The following RPTOR variants were observed in gnomAD, a reference collection of about 807,000 sequenced individuals.
RPTOR encodes the protein regulatory associated protein of MTOR complex 1.
RPTOR carries 21 observed loss-of-function variants against 169.9 expected under a neutral mutation model. That is an observed-to-expected ratio of 0.12 (90% CI 0.09 to 0.18). The LOEUF (loss-of-function observed/expected upper bound fraction) is 0.18. Among genes scored for constraint, RPTOR ranks in the 10% least tolerant of loss-of-function variants. The probability of loss-of-function intolerance (pLI) is 1.00; values close to 1 mark genes in which losing one functional copy is unlikely to be tolerated. For synonymous variants in RPTOR, 732 were observed against 753.2 expected, an observed-to-expected ratio of 0.97 and a Z score of 0.46; for missense variants, 1,133 against 1,855.9, an observed-to-expected ratio of 0.61 and a Z score of 7.16.
Position 80,643,798 on chromosome 17 carries a change from C to A in RPTOR, c.336C>A (p.Asn112Lys). ...IGANLQKQYE[N>K]WQPRARYKQS... ...CAAATTTACAGAAGCAGTACGAGAA[C>A]TGGCAGCCAAGGGTAAGTGTGCTTC... Residue 112 changes from asparagine to lysine, a missense_variant, in exon 3 of 34, where the codon AAC becomes AAA. Around this residue, in one of 9 missense-constraint regions of RPTOR, gnomAD observed 74 missense variants for 168.3 expected, o/e 0.44. Coordinates refer to ENST00000306801, the MANE Select transcript of RPTOR (RefSeq NM_020761.3). 6.2e-7 allele frequency: 1 copy of A among 1,613,390 alleles called. No individual in the cohort carries two copies. The highest frequency in any genetic ancestry group is 8.5e-7 in the Non-Finnish European group (1 of 1,179,466).
rs536281010 is a variant in RPTOR at position 80,936,687 on chromosome 17, C to T, written c.2920-3809C>T. Among the ~76,000 whole-genome samples the T allele has an allele frequency of 3.9e-5, 6 of 152,326 alleles. No individual in the cohort carries two copies. The highest frequency in any genetic ancestry group is 3.9e-4 in the East Asian group (2 of 5,188). Reference sequence around the variant, plus strand: ...ATATCTTCCACATTTATCAAAACTCCGCCTGTACCTACAGAGGGCGAAATT... The same window carrying T: ...ATATCTTCCACATTTATCAAAACTCTGCCTGTACCTACAGAGGGCGAAATT... On this transcript the variant is annotated intron_variant, in intron 24 of 33. Coordinates refer to ENST00000306801, the MANE Select transcript of RPTOR (RefSeq NM_020761.3). This position sits in a 1 kb window ranked among gnomAD's most constrained non-coding sequence, Gnocchi z 4.1.
At chr17:80,602,850 G>C (rs536450541) in intron 1 of RPTOR, 2 of 565,408 alleles carry the variant, frequency 3.5e-6, no homozygotes, top group Non-Finnish European at 6.5e-6. Flanking sequence ...AATGTTGATG[G>C]TGTCTTCTCG....
chr17:80,950,983 G>A (rs887694573), intron 28 of RPTOR, among the ~76,000 whole-genome samples: 11 of 152,176 alleles, frequency 7.2e-5, no homozygotes, highest in African/African-American at 2.7e-4. Flanking sequence ...TTCCCTCCCT[G>A]TCCAAGGCTC....
chr17:80,743,746 G>C (rs111886810), intron 5 of RPTOR, among the ~76,000 whole-genome samples: 1,227 of 73,580 alleles, frequency 0.017, 22 homozygotes, highest in African/African-American at 0.04. Flanking sequence ...GCTACTAGCA[G>C]AGCCCTGGCT....
At chr17:80,644,088 C>A (rs1272819508) in intron 3 of RPTOR, among the ~76,000 whole-genome samples, 4 of 152,198 alleles carry the variant, frequency 2.6e-5, no homozygotes, top group African/African-American at 9.7e-5. Context: ...AAAAAGTATT[C>A]TTTTCGCTCT....
At chr17:80,908,725 G>T in intron 20 of RPTOR, 86 bp from the exon 21 acceptor site, 1 of 921,542 alleles carries the variant, frequency 1.1e-6, no homozygotes, top group Non-Finnish European at 1.8e-6. Flanking sequence ...CTGATACCAG[G>T]GTTAGGGTTT....
chr17:80,954,361 A>G (rs1055230967), intron 28 of RPTOR, among the ~76,000 whole-genome samples: 2 of 151,672 alleles, frequency 1.3e-5, no homozygotes, highest in African/African-American at 4.9e-5. Context: ...ACCTCAGGTG[A>G]TCCACCCGCC....
chr17:80,893,698 C>G lies in RPTOR; in HGVS notation c.2243-9C>G, dbSNP rs758485133. 1.2e-6 allele frequency: 2 copies of G among 1,608,268 alleles called. No homozygotes were observed. The highest frequency in any genetic ancestry group is 1.7e-6 in the Non-Finnish European group (2 of 1,177,156). On this transcript the variant is annotated splice_polypyrimidine_tract_variant and intron_variant, in intron 19 of 33. Transcript: ENST00000306801. ...GAGCACCCCACTGACCCCGTTGCGTCTCGGGCAGCTGGTGGCGCGGTGGCG... is the reference window on the plus strand; with the variant it reads ...GAGCACCCCACTGACCCCGTTGCGTGTCGGGCAGCTGGTGGCGCGGTGGCG...
intron 9 of RPTOR, among the ~76,000 whole-genome samples, chr17:80,837,385 C>T (rs963160822): frequency 2.6e-5 from 4 of 152,156 alleles, no homozygotes; most frequent in East Asian, 1.9e-4. Context: ...AGGGGCCTGA[C>T]GGCACCATCA....
intron 2 of RPTOR, among the ~76,000 whole-genome samples, chr17:80,642,291 A>G (rs2065560144): frequency 6.6e-6 from 1 of 151,902 alleles, no homozygotes; most frequent in African/African-American, 2.4e-5. Context: ...CGCCCAGCTA[A>G]TTTTTGTGTT....
chr17:80,838,375 G>GT (rs999193945), intron 10 of RPTOR, among the ~76,000 whole-genome samples: 2 of 151,780 alleles, frequency 1.3e-5, no homozygotes, highest in Non-Finnish European at 2.9e-5. Context: ...CCCACGGGGG[G>GT]TTTGGTGCTG....
intron 3 of RPTOR, 23 bp downstream of exon 3, chr17:80,643,833 T>G (rs977899052): frequency 1.9e-6 from 3 of 1,571,020 alleles, no homozygotes; most frequent in Non-Finnish European, 2.6e-6. Context: ...CACTTGCTCT[T>G]CCCTTTCCTT....
chr17:80,860,886 G>GTCATATCTACATGGACACA lies in RPTOR; in HGVS notation c.1509+2986_1509+2987insTCATATCTACATGGACACA, dbSNP rs1555627949. Among the ~76,000 whole-genome samples, 3 of 146,888 alleles carry GTCATATCTACATGGACACA rather than the reference G, an allele frequency of 2.0e-5. No homozygotes were observed. The highest frequency in any genetic ancestry group is 4.9e-5 in the African/African-American group (2 of 41,094). ...ACCGTGCTTGCCATCTCTCCCAGCT[G>GTCATATCTACATGGACACA]CTCCTGATTTCCTGAGCTGGATGCG... On this transcript the variant is annotated intron_variant, in intron 13 of 33. Transcript: ENST00000306801. This position sits in a 1 kb window ranked among gnomAD's most constrained non-coding sequence, Gnocchi z 5.8.
At chr17:80,797,479 G>C (rs2067112666) in intron 7 of RPTOR, among the ~76,000 whole-genome samples, 1 of 152,204 alleles carries the variant, frequency 6.6e-6, no homozygotes, top group Non-Finnish European at 1.5e-5. Flanking sequence ...ATCTACAAAG[G>C]ACATGAGTTA....
chr17:80,658,675 G>A (rs891692093), intron 3 of RPTOR, among the ~76,000 whole-genome samples: 5 of 152,132 alleles, frequency 3.3e-5, no homozygotes, highest in Admixed American at 2.6e-4. Flanking sequence ...ATTGGAATAG[G>A]TTAGACCTTT....
chr17:80,744,916 C>CAGCCCTGGTTACTAGCAG (rs1257712313), intron 5 of RPTOR, among the ~76,000 whole-genome samples: 4 of 148,770 alleles, frequency 2.7e-5, no homozygotes, highest in Non-Finnish European at 3.0e-5. Context: ...GCTACTAGCA[C>CAGCCCTGGTTACTAGCAG]AGCCCTGGTT....
intron 17 of RPTOR, among the ~76,000 whole-genome samples, chr17:80,887,019 T>C (rs1366737673): frequency 6.6e-6 from 1 of 152,012 alleles, no homozygotes; most frequent in African/African-American, 2.4e-5. Flanking sequence ...CAGAGGCTTT[T>C]GTGGAGGGGC....
intron 20 of RPTOR, among the ~76,000 whole-genome samples, chr17:80,900,362 G>A (rs528770708): frequency 3.2e-4 from 48 of 151,596 alleles, no homozygotes; most frequent in African/African-American, 1.1e-3. Flanking sequence ...TTTTCCTCTT[G>A]TCACTCCAGC....
rs760863690 is a variant in RPTOR at position 80,883,452 on chromosome 17, G to T, written c.1618G>T (p.Ala540Ser). ...EHRTMTAFIL[A>S]VIVNSYHTGQ... Reference sequence around the variant, plus strand: ...CCGGACCATGACGGCTTTCATTCTCGCCGTGATCGTCAACAGCTATCACAC... The same window carrying T: ...CCGGACCATGACGGCTTTCATTCTCTCCGTGATCGTCAACAGCTATCACAC... Residue 540 changes from alanine (A) to serine (S), a missense_variant, in exon 15 of 34, where the codon GCC (alanine) becomes TCC (serine). By Grantham distance (99) the Ala-to-Ser change is moderately conservative. Coordinates refer to ENST00000306801, the MANE Select transcript of RPTOR (RefSeq NM_020761.3). 1.9e-6 allele frequency: 3 copies of T among 1,614,058 alleles called. No homozygotes were observed. The highest frequency in any genetic ancestry group is 2.5e-6 in the Non-Finnish European group (3 of 1,180,022).
Sources: gnomAD v4.1 joint callset for allele counts (sites outside exome capture counted in the v4.1 genomes callset) on GRCh38, gnomAD v4.1.1 for gene constraint, gnomAD v4.1.1 regional missense constraint, Gnocchi (gnomAD v3.1) non-coding constraint, MANE v1.5 for transcripts, NCBI Gene and HGNC (gene_info 2026-07-23, HGNC 2026-07-21) for gene names.